Variants in CDH4 observed in about 807,000 individuals in gnomAD.
The protein encoded by CDH4 is cadherin 4.
CDH4 carries 33 observed loss-of-function variants against 86.0 expected under a neutral mutation model. That is an observed-to-expected ratio of 0.38 (90% confidence interval 0.29 to 0.51). The LOEUF (loss-of-function observed/expected upper bound fraction) is 0.51, where lower values mean the gene tolerates loss of function less well. Among genes scored for constraint, CDH4 ranks in the 20% least tolerant of loss-of-function variants. The pLI is 0.86. For missense variants in CDH4, 1,114 were observed against 1,307.4 expected (o/e 0.85, Z 2.28); for synonymous variants, 555 against 549.4 (o/e 1.01, Z -0.14).
intron 3 of CDH4, among the ~76,000 whole-genome samples, chr20:61,745,409 C>T (rs1022115554): frequency 2.0e-4 from 30 of 152,104 alleles, no homozygotes; most frequent in African/African-American, 6.3e-4. Flanking sequence ...GAGATGGAAG[C>T]GGAGGTGGTT....
rs920898993 is a variant in CDH4, at chr20:61,325,086, T to A, written c.169+70149T>A. 7.9e-5 allele frequency among the ~76,000 whole-genome samples: 12 copies of A among 152,216 alleles called. 1 individual carries two copies. The highest frequency in any genetic ancestry group is 1.3e-4 in the Admixed American group (2 of 15,294). ...AGAGCCACCAGAGGCCCTTTCCCCA[T>A]GGGGCTATGTGGATGTGAGACAAGA... On this transcript the variant is annotated intron_variant, in intron 2 of 15. Transcript: ENST00000614565.
chr20:61,765,317 A>G (rs1181238000), intron 3 of CDH4, among the ~76,000 whole-genome samples: 2 of 152,188 alleles, frequency 1.3e-5, no homozygotes, highest in Non-Finnish European at 1.5e-5. Flanking sequence ...ACACTGCTCC[A>G]GGCTCTGATG....
chr20:61,648,192 G>A (rs2087085352), intron 2 of CDH4, among the ~76,000 whole-genome samples: 2 of 152,222 alleles, frequency 1.3e-5, no homozygotes, highest in African/African-American at 4.8e-5. Context: ...ATGAAGACTT[G>A]TTCAAGATGC....
chr20:61,690,724 GGA>G (rs542144875), intron 2 of CDH4, among the ~76,000 whole-genome samples: 78 of 152,274 alleles, frequency 5.1e-4, no homozygotes, highest in Middle Eastern at 3.4e-3. Flanking sequence ...CACCGACCAG[GGA>G]GAGTGTCCAC....
chr20:61,882,699 A>G (rs573825712), intron 7 of CDH4, among the ~76,000 whole-genome samples: 1 of 152,292 alleles, frequency 6.6e-6, no homozygotes, highest in South Asian at 2.1e-4. Flanking sequence ...GTCTATCAAA[A>G]GTGAGAAAAT....
Position 61,873,896 on chromosome 20 carries a change from G to A in CDH4, c.1046G>A (p.Arg349Gln), listed in dbSNP as rs777439660. The change falls in exon 7 of 16, where the codon CGA (arginine) becomes CAA (glutamine). Residue 349 changes from arginine to glutamine, a missense_variant. Transcript: ENST00000614565. ...DIVTVAAGLDREKVQQYTVIV... is the reference protein window; with the variant it reads ...DIVTVAAGLDQEKVQQYTVIV... ...GTCACAGTGGCGGCTGGCCTGGACC[G>A]AGAGGTGAGGCGGGGTGGGGTCTGC... The A allele has an allele frequency of 9.3e-6, 15 of 1,613,178 alleles. No individual in the cohort carries two copies. The highest frequency in any genetic ancestry group is 1.6e-4 in the Middle Eastern group (1 of 6,082).
At chr20:61,729,575 T>C (rs1283265802) in intron 2 of CDH4, among the ~76,000 whole-genome samples, 3 of 152,232 alleles carry the variant, frequency 2.0e-5, no homozygotes, top group Non-Finnish European at 4.4e-5. Flanking sequence ...TGAGGTCCTT[T>C]GAGGAGCTGC....
chr20:61,661,869 T>C (rs915025891), intron 2 of CDH4, among the ~76,000 whole-genome samples: 15 of 152,170 alleles, frequency 9.9e-5, no homozygotes, highest in African/African-American at 3.4e-4. Context: ...CCCATTTAAA[T>C]GACCTCATTC....
intron 2 of CDH4, among the ~76,000 whole-genome samples, chr20:61,621,348 G>A (rs937215132): frequency 1.3e-5 from 2 of 152,198 alleles, no homozygotes; most frequent in East Asian, 1.9e-4. Flanking sequence ...TGCTGACAGC[G>A]AACATGCCTC....
intron 2 of CDH4, among the ~76,000 whole-genome samples, chr20:61,311,288 T>C (rs949199863): frequency 6.6e-6 from 1 of 152,098 alleles, no homozygotes; most frequent in Non-Finnish European, 1.5e-5. Context: ...AAAAAAGTAA[T>C]GAAATCAGAA....
chr20:61,317,494 A>G (rs930764167), intron 2 of CDH4, among the ~76,000 whole-genome samples: 1 of 152,112 alleles, frequency 6.6e-6, no homozygotes, highest in African/African-American at 2.4e-5. Context: ...TCTGTGGCCC[A>G]TTGCATCTCC....
chr20:61,589,409 G>GA (rs1568700321), intron 2 of CDH4, among the ~76,000 whole-genome samples: 1 of 152,176 alleles, frequency 6.6e-6, no homozygotes, highest in East Asian at 1.9e-4. Context: ...GGTAATGATC[G>GA]AGCTGGCTTT....
intron 2 of CDH4, among the ~76,000 whole-genome samples, chr20:61,327,098 CTGTGAGCAT>C (rs1474795676): frequency 6.6e-6 from 1 of 152,106 alleles, no homozygotes; most frequent in Non-Finnish European, 1.5e-5. Context: ...CCCTGGGATC[CTGTGAGCAT>C]TGTGTGAAGT....
chr20:61,503,189 C>CA (rs1555857409), intron 2 of CDH4, among the ~76,000 whole-genome samples: 1 of 152,052 alleles, frequency 6.6e-6, no homozygotes, highest in Non-Finnish European at 1.5e-5. Context: ...CTCTAAGAAA[C>CA]GGGATATACG....
At chr20:61,679,044 T>C (rs1383105963) in intron 2 of CDH4, among the ~76,000 whole-genome samples, 1 of 152,176 alleles carries the variant, frequency 6.6e-6, no homozygotes, top group Non-Finnish European at 1.5e-5. Flanking sequence ...TTGCCTAGGG[T>C]TCCGGTTGGA....
intron 13 of CDH4, among the ~76,000 whole-genome samples, chr20:61,930,499 G>A (rs1273584201): frequency 6.6e-6 from 1 of 152,158 alleles, no homozygotes; most frequent in Non-Finnish European, 1.5e-5. Flanking sequence ...AGGGATCCCA[G>A]TGGGAGGCAG....
At chr20:61,717,978 G>A (rs1328200614) in intron 2 of CDH4, 1 of 152,360 alleles carries the variant, frequency 6.6e-6, no homozygotes, top group Non-Finnish European at 1.5e-5. Context: ...CTGTGCCACA[G>A]AAGGCCCTGA....
intron 2 of CDH4, among the ~76,000 whole-genome samples, chr20:61,259,453 G>A (rs1293195499): frequency 6.6e-6 from 1 of 152,122 alleles, no homozygotes; most frequent in Non-Finnish European, 1.5e-5. Context: ...GTCCAGCACC[G>A]GCCTAATGCA....
At chr20:61,578,031 C>T (rs1294074955) in intron 2 of CDH4, among the ~76,000 whole-genome samples, 1 of 152,166 alleles carries the variant, frequency 6.6e-6, no homozygotes, top group African/African-American at 2.4e-5. Flanking sequence ...CTTGCCTGCC[C>T]AGCCAGGAAA....
Sources: allele counts gnomAD v4.1 joint callset (sites outside exome capture counted in the v4.1 genomes callset), GRCh38; gene constraint gnomAD v4.1.1; transcripts MANE v1.5; gene names NCBI Gene and HGNC (gene_info 2026-07-23, HGNC 2026-07-21).